The following TAFA1 variants were observed in gnomAD, a reference collection of about 807,000 sequenced individuals.
The protein encoded by TAFA1 is TAFA chemokine like family member 1.
A neutral mutation model predicts 18.5 loss-of-function variants in TAFA1; 4 were observed. That is an observed-to-expected ratio of 0.22 (90% CI 0.11 to 0.49). The LOEUF is 0.49. Ranked by LOEUF, TAFA1 falls within the 20% of genes least tolerant of loss-of-function variation. The probability of loss-of-function intolerance (pLI) is 0.98; values close to 1 mark genes in which losing one functional copy is unlikely to be tolerated. For synonymous variants in TAFA1, 56 were observed against 55.2 expected (o/e 1.01, Z -0.06); for missense variants, 147 against 169.0 (o/e 0.87, Z 0.72).
Position 68,289,173 on chromosome 3 carries a change from G to C in TAFA1, c.119-128107G>C, listed in dbSNP as rs2068068001. ...ATTAGTTTCTGCTTTTTAATACATAGGAATTGTTTATATACAGTCTTTACA... is the reference window on the plus strand; with the variant it reads ...ATTAGTTTCTGCTTTTTAATACATACGAATTGTTTATATACAGTCTTTACA... On this transcript the variant is annotated intron_variant, in intron 2 of 4. Transcript: ENST00000478136. 2.0e-5 allele frequency among the ~76,000 whole-genome samples: 3 copies of C among 152,022 alleles called. No individual in the cohort carries two copies. In the South Asian group the frequency reaches 6.2e-4, roughly 31 times the overall value.
chr3:68,335,235 A>G (rs1380763619), intron 2 of TAFA1, among the ~76,000 whole-genome samples: 1 of 152,232 alleles, frequency 6.6e-6, no homozygotes, highest in Non-Finnish European at 1.5e-5. Flanking sequence ...AAGGAATTAT[A>G]GATGTTATCA....
At chr3:68,072,003 A>G (rs1032461707) in intron 2 of TAFA1, among the ~76,000 whole-genome samples, 51 of 152,236 alleles carry the variant, frequency 3.4e-4, no homozygotes, top group African/African-American at 1.2e-3. Context: ...TATCTAAACT[A>G]TATCACCATC....
At chr3:68,365,037 G>A (rs2069539514) in intron 2 of TAFA1, among the ~76,000 whole-genome samples, 1 of 152,106 alleles carries the variant, frequency 6.6e-6, no homozygotes, top group Non-Finnish European at 1.5e-5. Flanking sequence ...TGATCATGAA[G>A]CTGAAAGACT....
chr3:68,408,122 C>T (rs757908584), intron 2 of TAFA1, among the ~76,000 whole-genome samples: 16 of 152,162 alleles, frequency 1.1e-4, no homozygotes, highest in East Asian at 9.7e-4. Flanking sequence ...AAAAAATTTG[C>T]GATTTTTCTT....
intron 2 of TAFA1, among the ~76,000 whole-genome samples, chr3:68,318,565 G>T (rs893978171): frequency 2.1e-4 from 32 of 152,248 alleles, no homozygotes; most frequent in African/African-American, 7.5e-4. Flanking sequence ...CCAGAATCCA[G>T]CTCTCCTGAC....
At chr3:68,104,190 T>TA (rs1386077353) in intron 2 of TAFA1, among the ~76,000 whole-genome samples, 1 of 152,262 alleles carries the variant, frequency 6.6e-6, no homozygotes, top group East Asian at 1.9e-4. Flanking sequence ...CAGAGGGGAT[T>TA]AAAAAAACTC....
chr3:68,033,181 C>T (rs539365847), intron 2 of TAFA1, among the ~76,000 whole-genome samples: 73 of 152,112 alleles, frequency 4.8e-4, no homozygotes, highest in Non-Finnish European at 8.8e-4. Context: ...TTTCCATTGA[C>T]CTAGTTGCTA....
chr3:68,324,953 C>G (rs2068753715), intron 2 of TAFA1, among the ~76,000 whole-genome samples: 2 of 152,148 alleles, frequency 1.3e-5, no homozygotes, highest in South Asian at 2.1e-4. Flanking sequence ...TTTTGCCAGT[C>G]TTCATCACAG....
chr3:68,084,566 G>A (rs923458217), intron 2 of TAFA1, among the ~76,000 whole-genome samples: 9 of 152,140 alleles, frequency 5.9e-5, no homozygotes, highest in African/African-American at 9.6e-5. Context: ...AGGAGGCTGA[G>A]GCGGGTGGAT....
chr3:68,440,500 G>A (rs1026895122), intron 3 of TAFA1, among the ~76,000 whole-genome samples: 4 of 152,140 alleles, frequency 2.6e-5, no homozygotes, highest in Non-Finnish European at 5.9e-5. Context: ...GAGGAAATAT[G>A]ACAATTACAG....
At chr3:68,230,569 C>A (rs1025408558) in intron 2 of TAFA1, among the ~76,000 whole-genome samples, 1 of 152,098 alleles carries the variant, frequency 6.6e-6, no homozygotes, top group Admixed American at 6.5e-5. Context: ...GTGAATAGTT[C>A]TGCAATAAAC....
chr3:68,096,439 G>T (rs1316919267), intron 2 of TAFA1, among the ~76,000 whole-genome samples: 1 of 152,130 alleles, frequency 6.6e-6, no homozygotes, highest in East Asian at 1.9e-4. Flanking sequence ...TCAGGAAACT[G>T]GTGTCAGAGA....
In TAFA1 at chr3:68,239,233, T is replaced by G. The variant is rs2066967833; in HGVS notation, c.119-178047T>G. 2.0e-5 allele frequency among the ~76,000 whole-genome samples: 3 copies of G among 152,162 alleles called. No homozygotes were observed. In the South Asian group the frequency reaches 6.2e-4, roughly 31 times the overall value. On this transcript the variant is annotated intron_variant, in intron 2 of 4. Transcript: ENST00000478136. The stretch of plus-strand genomic sequence containing the variant: ...TCATTTGTCAAGAATTTAGTATTAA[T>G]ATATGTATTATGGAAGAAAGTAAGA...
intron 3 of TAFA1, among the ~76,000 whole-genome samples, chr3:68,530,206 A>G (rs983855845): frequency 5.3e-5 from 8 of 152,210 alleles, no homozygotes; most frequent in Non-Finnish European, 7.3e-5. Context: ...CTTAGTCAAT[A>G]TAATGTTTAT....
chr3:68,023,821 T>C (rs1704749391), intron 2 of TAFA1, among the ~76,000 whole-genome samples: 1 of 152,182 alleles, frequency 6.6e-6, no homozygotes, highest in African/African-American at 2.4e-5. Context: ...TGAATTGTCA[T>C]ATGGCCCAGC....
Position 68,452,383 on chromosome 3 carries a change from C to A in TAFA1, c.259+34963C>A, listed in dbSNP as rs903793252. On this transcript the variant is annotated intron_variant, in intron 3 of 4. Transcript: ENST00000478136. ...ACTAAAAATACAACAATTAGCTGGG[C>A]GTTGTTGCAGGAACCTATGGTCCTA... is the stretch of plus-strand genomic sequence containing the variant. Among the ~76,000 whole-genome samples the A allele has an allele frequency of 2.0e-5, 3 of 151,842 alleles. No homozygotes were observed. In the East Asian group the frequency reaches 5.8e-4, roughly 30 times the overall value.
chr3:68,212,714 G>A lies in TAFA1; in HGVS notation c.119-204566G>A, dbSNP rs550111817. On this transcript the variant is annotated intron_variant, in intron 2 of 4. Coordinates refer to ENST00000478136, the MANE Select transcript of TAFA1 (RefSeq NM_213609.4). Reference sequence around the variant, plus strand: ...TGTTATCCATACAATATGCCAATCAGTTTTTTAAAAGTATGTCTAAATAAG... The same window carrying A: ...TGTTATCCATACAATATGCCAATCAATTTTTTAAAAGTATGTCTAAATAAG... Among the ~76,000 whole-genome samples, 7 of 152,060 alleles carry A rather than the reference G, an allele frequency of 4.6e-5. No individual in the cohort carries two copies. In the East Asian group the frequency reaches 1.4e-3, roughly 30 times the overall value.
chr3:68,289,061 A>AATTT (rs2068066481), intron 2 of TAFA1, among the ~76,000 whole-genome samples: 1 of 152,200 alleles, frequency 6.6e-6, no homozygotes, highest in Non-Finnish European at 1.5e-5. Flanking sequence ...TGTACAGCTC[A>AATTT]ATGAATTTTC....
At chr3:68,274,755 T>G (rs79223611) in intron 2 of TAFA1, among the ~76,000 whole-genome samples, 1 of 152,152 alleles carries the variant, frequency 6.6e-6, no homozygotes, top group African/African-American at 2.4e-5. Flanking sequence ...CTGTCTAGCA[T>G]GTGTATCATT....
Sources: gnomAD v4.1 joint callset for allele counts (sites outside exome capture counted in the v4.1 genomes callset) on GRCh38, gnomAD v4.1.1 for gene constraint, MANE v1.5 for transcripts, NCBI Gene and HGNC (gene_info 2026-07-23, HGNC 2026-07-21) for gene names.